FNDC1: variants seen among roughly 807,000 people sequenced by gnomAD.
FNDC1 encodes fibronectin type III domain containing 1.
A neutral mutation model predicts 168.0 loss-of-function variants in FNDC1; 96 were observed. That is an observed-to-expected ratio of 0.57 (90% CI 0.48 to 0.68). FNDC1 has a LOEUF of 0.68. FNDC1 is among the 30% of genes least tolerant of loss of function. The pLI is 0.00. For missense variants in FNDC1, 2,587 were observed against 2,482.1 expected, an observed-to-expected ratio of 1.04 and a Z score of -0.90; for synonymous variants, 1,099 against 1,025.9, an observed-to-expected ratio of 1.07 and a Z score of -1.36.
intron 9 of FNDC1, among the ~76,000 whole-genome samples, chr6:159,228,857 T>C (rs1303274020): frequency 6.6e-6 from 1 of 152,046 alleles, no homozygotes; most frequent in Non-Finnish European, 1.5e-5. Context: ...TGTATTTTAA[T>C]AGAGACGGGG....
intron 5 of FNDC1, among the ~76,000 whole-genome samples, chr6:159,216,917 CCTGGAGGGGCCTCTTCCCTTAT>C (rs1477369315): frequency 5.3e-5 from 8 of 152,162 alleles, no homozygotes; most frequent in African/African-American, 1.4e-4. Context: ...TCTTCCCTTA[CCTGGAGGGGCCTCTTCCCTTAT>C]CTGGAGGGGC....
chr6:159,256,625 A>T lies in FNDC1; in HGVS notation c.5168A>T (p.Asn1723Ile). The T allele has an allele frequency of 6.2e-7, 1 of 1,607,392 alleles. No individual in the cohort carries two copies. Among genetic ancestry groups the T allele is most frequent in the Non-Finnish European group, 8.5e-7 (1 of 1,173,906 alleles). ...TTGCCCATTGAGAACCTAAAGCCCA[A>T]CACGAGGTACGATGTGTCAGTCATT... Reference protein sequence around the residue: ...THLPIENLKPNTRYYFKVQAQ... With the variant: ...THLPIENLKPITRYYFKVQAQ... Residue 1723 changes from asparagine to isoleucine, a missense_variant, in exon 18 of 23, where the codon AAC becomes ATC. Physicochemically the swap from Asn to Ile is moderately radical, Grantham distance 149. Transcript: ENST00000297267.
At chr6:159,208,849 T>TTTTA (rs1356918730) in intron 4 of FNDC1, among the ~76,000 whole-genome samples, 1 of 147,702 alleles carries the variant, frequency 6.8e-6, no homozygotes, top group East Asian at 2.0e-4. Context: ...TTTTAATTTT[T>TTTTA]TTTTTTTTTT....
In FNDC1 at chr6:159,232,583, G is replaced by T. The variant is rs762244107; in HGVS notation, c.2071G>T (p.Ala691Ser). ...CGACAGAAGCTCTGTGCACCCCGGC[G>T]CAAAGCCAGCCTCGCCGGCCCGGAG... The part of the protein sequence containing the change: ...LRDRSSVHPG[A>S]KPASPARRTP... The change falls in exon 11 of 23, where the codon GCA (alanine) becomes TCA (serine). Residue 691 changes from alanine to serine, a missense_variant. Ala to Ser is a moderately conservative substitution (Grantham distance 99). Transcript: ENST00000297267. This position sits in a 1 kb window ranked among gnomAD's most constrained non-coding sequence, Gnocchi z 4.9. 6 of 1,608,810 alleles carry T rather than the reference G, an allele frequency of 3.7e-6. No individual in the cohort carries two copies. The highest frequency in any genetic ancestry group is 1.3e-5 in the African/African-American group (1 of 74,952).
chr6:159,239,990 C>T (rs1783382984), intron 14 of FNDC1, 33 bp downstream of exon 14: 2 of 1,455,658 alleles, frequency 1.4e-6, no homozygotes, highest in South Asian at 2.9e-5. Flanking sequence ...TAACTACTTA[C>T]CAGGCACACT....
chr6:159,236,344 T>C (rs1163686526), intron 12 of FNDC1, 29 bp downstream of exon 12: 1 of 1,479,796 alleles, frequency 6.8e-7, no homozygotes. Flanking sequence ...CACATCCCCG[T>C]TGTTTTCATG....
chr6:159,185,321 C>A (rs1437201002), intron 1 of FNDC1, among the ~76,000 whole-genome samples: 1 of 152,076 alleles, frequency 6.6e-6, no homozygotes, highest in East Asian at 1.9e-4. Flanking sequence ...TTAAAAATAA[C>A]AAACAGAAAG....
chr6:159,251,648 G>A (rs1166497360), intron 17 of FNDC1, 116 bp downstream of exon 17: 3 of 852,790 alleles, frequency 3.5e-6, no homozygotes, highest in Non-Finnish European at 5.6e-6. Context: ...GGATGGGTTG[G>A]ATGGATGAAT....
At chr6:159,244,284 A>G (rs916205128) in intron 14 of FNDC1, among the ~76,000 whole-genome samples, 3 of 152,388 alleles carry the variant, frequency 2.0e-5, no homozygotes, top group South Asian at 4.1e-4. Context: ...CTTGGATCCC[A>G]GGTATATTGA....
In FNDC1 at chr6:159,232,325, G is replaced by A. The variant is rs1464178551; in HGVS notation, c.1813G>A (p.Ala605Thr). Residue 605 changes from alanine to threonine, a missense_variant, in exon 11 of 23, where the codon GCC becomes ACC. Coordinates refer to ENST00000297267, the MANE Select transcript of FNDC1 (RefSeq NM_032532.3). This position sits in a 1 kb window ranked among gnomAD's most constrained non-coding sequence, Gnocchi z 4.9. ...EGVDKPGFSL[A>T]TQPRPGAPPS... ...CGTAGATAAGCCTGGCTTTTCCCTG[G>A]CCACGCAGCCCCGCCCAGGGGCGCC... is the stretch of plus-strand genomic sequence containing the variant. 3 of 1,613,076 alleles carry A rather than the reference G, an allele frequency of 1.9e-6. No individual in the cohort carries two copies. The highest frequency in any genetic ancestry group is 2.5e-6 in the Non-Finnish European group (3 of 1,179,636).
At chr6:159,170,448 G>T (rs898758359) in intron 1 of FNDC1, among the ~76,000 whole-genome samples, 9 of 152,248 alleles carry the variant, frequency 5.9e-5, no homozygotes, top group African/African-American at 2.2e-4. Flanking sequence ...GCTCCTGTCA[G>T]ATTTCTTGCA....
chr6:159,206,672 T>C (rs966137256), intron 4 of FNDC1, among the ~76,000 whole-genome samples: 2 of 152,246 alleles, frequency 1.3e-5, no homozygotes, highest in African/African-American at 4.8e-5. Flanking sequence ...CAAGCCCGTT[T>C]GTTGAACTCA....
In FNDC1 at chr6:159,232,579, C is replaced by T. The variant is rs558609214; in HGVS notation, c.2067C>T (p.Pro689=). Residue 689 remains proline, a synonymous_variant, in exon 11 of 23, where the codon CCC becomes CCT. Transcript: ENST00000297267. This position sits in a 1 kb window ranked among gnomAD's most constrained non-coding sequence, Gnocchi z 4.9. ...TCCGCGACAGAAGCTCTGTGCACCC[C>T]GGCGCAAAGCCAGCCTCGCCGGCCC... ...SVLRDRSSVH[P]GAKPASPARR... 14 of 1,609,202 alleles carry T rather than the reference C, an allele frequency of 8.7e-6. No homozygotes were observed. In the African/African-American group the frequency reaches 9.3e-5, roughly 11 times the overall value.
intron 1 of FNDC1, among the ~76,000 whole-genome samples, chr6:159,192,725 A>G (rs928100576): frequency 3.9e-5 from 6 of 152,232 alleles, no homozygotes; most frequent in Non-Finnish European, 8.8e-5. Context: ...GCAGAAGTCA[A>G]CAGTTTTGCT....
At chr6:159,203,681 G>T (rs1782423089) in intron 4 of FNDC1, among the ~76,000 whole-genome samples, 1 of 152,162 alleles carries the variant, frequency 6.6e-6, no homozygotes, top group Admixed American at 6.5e-5. Context: ...TCACAAGTCT[G>T]TTCATTTATT....
chr6:159,247,804 G>A (rs879462336), intron 15 of FNDC1, among the ~76,000 whole-genome samples: 1 of 152,148 alleles, frequency 6.6e-6, no homozygotes, highest in Non-Finnish European at 1.5e-5. Flanking sequence ...ATCTGGGAGA[G>A]TCATTCAATA....
At chr6:159,218,793 G>A (rs1207044666) in intron 5 of FNDC1, among the ~76,000 whole-genome samples, 2 of 152,124 alleles carry the variant, frequency 1.3e-5, no homozygotes, top group African/African-American at 4.8e-5. Context: ...GTGGCATTTG[G>A]GCAAAGACTT....
At chr6:159,172,471 C>A (rs146134241) in intron 1 of FNDC1, among the ~76,000 whole-genome samples, 72 of 152,228 alleles carry the variant, frequency 4.7e-4, no homozygotes, top group African/African-American at 1.7e-3. Flanking sequence ...AAGTTGTTTC[C>A]ACCACTGTAA....
intron 5 of FNDC1, among the ~76,000 whole-genome samples, chr6:159,220,185 ACAG>A (rs1263924754): frequency 2.6e-5 from 4 of 152,216 alleles, no homozygotes; most frequent in Admixed American, 6.5e-5. Flanking sequence ...TGATTCTTCT[ACAG>A]CAGCTCACTG....
Sources: gnomAD v4.1 joint callset for allele counts (sites outside exome capture counted in the v4.1 genomes callset) on GRCh38, gnomAD v4.1.1 for gene constraint, Gnocchi (gnomAD v3.1) non-coding constraint, MANE v1.5 for transcripts, NCBI Gene and HGNC (gene_info 2026-07-23, HGNC 2026-07-21) for gene names.